The following CENPN variants were observed in gnomAD, a reference collection of about 807,000 sequenced individuals.
The protein encoded by CENPN is centromere protein N.
A neutral mutation model predicts 48.6 loss-of-function variants in CENPN; 36 were observed. The ratio of observed to expected loss-of-function variants is 0.74; its 90% CI spans 0.57 to 0.98. CENPN has a LOEUF of 0.98. Ranked by LOEUF, CENPN falls within the 50% of genes least tolerant of loss-of-function variation. The pLI is 0.00. For synonymous variants in CENPN, 166 were observed against 135.2 expected (o/e 1.23, Z -1.58); for missense variants, 439 against 399.2 (o/e 1.10, Z -0.85).
chr16:81,026,175 ATATG>A (rs1201212369), intron 8 of CENPN, among the ~76,000 whole-genome samples: 7 of 147,434 alleles, frequency 4.7e-5, no homozygotes, highest in Non-Finnish European at 8.9e-5. Flanking sequence ...ATGTGTATAT[ATATG>A]TGTGTGTATA....
chr16:81,032,654 A>T (rs989550916), downstream of CENPN: 4 of 1,611,598 alleles, frequency 2.5e-6, no homozygotes, highest in Non-Finnish European at 3.4e-6. Context: ...TGGCAGAAGG[A>T]CTTGTACCTT....
chr16:81,023,578 T>C (rs921853899), intron 7 of CENPN: 10 of 152,170 alleles, frequency 6.6e-5, no homozygotes, highest in African/African-American at 2.4e-4. Flanking sequence ...CATGATTTTC[T>C]TCTCTAGCCA....
At chr16:81,027,265 C>T (rs956982362) in intron 9 of CENPN, among the ~76,000 whole-genome samples, 3 of 151,996 alleles carry the variant, frequency 2.0e-5, no homozygotes, top group African/African-American at 4.8e-5. Context: ...CTGAGGCGGG[C>T]GGATCCCTTG....
chr16:81,028,336 C>T, intron 10 of CENPN, 39 bp downstream of exon 10: 1 of 1,606,920 alleles, frequency 6.2e-7, no homozygotes, highest in Non-Finnish European at 8.5e-7. Context: ...GAAAAATTAA[C>T]AACATGCCTC....
chr16:81,017,063 A>G (rs1391961333), intron 3 of CENPN: 1 of 310,448 alleles, frequency 3.2e-6, no homozygotes, highest in Non-Finnish European at 5.9e-6. Flanking sequence ...TGGAATGTGG[A>G]AATGGAATAA....
chr16:81,026,061 A>G (rs965992355), intron 8 of CENPN, among the ~76,000 whole-genome samples: 24 of 41,894 alleles, frequency 5.7e-4, no homozygotes, highest in African/African-American at 1.4e-3. Context: ...AGATATATAT[A>G]TATATATATG....
Position 81,028,303 on chromosome 16 carries a change from T to TGGTC in CENPN, c.937+7_937+10dup, listed in dbSNP as rs750505140. 8.1e-6 allele frequency: 13 copies of TGGTC among 1,613,798 alleles called. No individual in the cohort carries two copies. The highest frequency in any genetic ancestry group is 4.0e-5 in the African/African-American group (3 of 74,870). ...GAAATCCTTAGCACCAGCGGGTGAG[T>TGGTC]GGTCAGCTTACTCTATAAGCTAGAA... On this transcript the variant is annotated splice_region_variant and intron_variant, in intron 10 of 10. Transcript: ENST00000305850.
rs570643918 is a variant in CENPN, at chr16:81,025,843, C to T, written c.698-683C>T. Among the ~76,000 whole-genome samples the T allele has an allele frequency of 1.4e-4, 21 of 151,748 alleles. No individual in the cohort carries two copies. The South Asian group carries it at 3.5e-3, about 26-fold the overall frequency. ...TCAGCCTCCCAACTATCTGGGACTA[C>T]AGGCGCCTGCCACCACACCTGGCTA... On this transcript the variant is annotated intron_variant, in intron 8 of 10. Coordinates refer to ENST00000305850, the MANE Select transcript of CENPN (RefSeq NM_001100624.3).
At chr16:81,024,689 TAA>T in intron 7 of CENPN, 24 bp from the exon 8 acceptor site, 1 of 1,515,644 alleles carries the variant, frequency 6.6e-7, no homozygotes, top group African/African-American at 1.4e-5. Context: ...TCAAGATTAG[TAA>T]AATATTCACT....
rs867801448 is a variant in CENPN, at chr16:81,018,389, G to C, written c.354+555G>C. Among the ~76,000 whole-genome samples the C allele has an allele frequency of 1.3e-5, 2 of 152,062 alleles. 1 individual carries two copies. The highest frequency in any genetic ancestry group is 6.3e-3 in the Middle Eastern group (2 of 316). On this transcript the variant is annotated intron_variant, in intron 5 of 10. Transcript: ENST00000305850. Reference sequence around the variant, plus strand: ...GGGTTTCTCCATGTTGACCAGGCTGGTCTCGAACTCCTAACCTCAGATGAT... The same window carrying C: ...GGGTTTCTCCATGTTGACCAGGCTGCTCTCGAACTCCTAACCTCAGATGAT...
At chr16:81,032,460 A>T (rs558869619), downstream of CENPN, 15 of 1,128,442 alleles carry the variant, frequency 1.3e-5, no homozygotes, top group African/African-American at 2.2e-4. Context: ...TTGGGGAATC[A>T]TCACTCTGAT....
intron 2 of CENPN, among the ~76,000 whole-genome samples, chr16:81,012,973 A>G (rs545983975): frequency 3.3e-4 from 50 of 152,370 alleles, no homozygotes; most frequent in African/African-American, 1.1e-3. Context: ...ATAATAAAAA[A>G]TAGGAGGTAT....
intron 2 of CENPN, among the ~76,000 whole-genome samples, chr16:81,013,702 T>A (rs1391990958): frequency 6.6e-6 from 1 of 151,256 alleles, no homozygotes; most frequent in Non-Finnish European, 1.5e-5. Context: ...GCTTGGGCAA[T>A]AGAGCAAGAC....
chr16:81,032,156 A>C (rs189297492), downstream of CENPN, among the ~76,000 whole-genome samples: 5 of 152,314 alleles, frequency 3.3e-5, no homozygotes, highest in African/African-American at 1.2e-4. Flanking sequence ...TGACTAAGAA[A>C]GCTTCTTACT....
At chr16:81,024,809 T>G (rs1247531397) in intron 8 of CENPN, 31 bp downstream of exon 8, 2 of 1,367,496 alleles carry the variant, frequency 1.5e-6, no homozygotes, top group South Asian at 2.4e-5. Flanking sequence ...AACTGAATTT[T>G]GGAAATGCAT....
chr16:81,010,593 C>T (rs1050662262), intron 1 of CENPN, among the ~76,000 whole-genome samples: 1 of 152,216 alleles, frequency 6.6e-6, no homozygotes, highest in Non-Finnish European at 1.5e-5. Context: ...TAGCTCTTAG[C>T]ATGTCCTGTG....
intron 1 of CENPN, among the ~76,000 whole-genome samples, chr16:81,010,761 T>C (rs1969705329): frequency 6.6e-6 from 1 of 152,216 alleles, no homozygotes; most frequent in African/African-American, 2.4e-5. Context: ...TGTCTTTTAG[T>C]TCCCTGGTAA....
At chr16:81,017,431 A>G (rs118186277) in intron 4 of CENPN, 46 bp downstream of exon 4, 18,011 of 1,346,600 alleles carry the variant, frequency 0.013, 204 homozygotes, top group South Asian at 0.031. Flanking sequence ...TTTGGCTTGG[A>G]CTCAGGAAGC....
At chr16:81,032,636 C>T (rs529767906), downstream of CENPN, 102 of 1,613,830 alleles carry the variant, frequency 6.3e-5, no homozygotes, top group East Asian at 1.7e-3. Context: ...ACCCAGGACC[C>T]GAGCAGCTGG....
Sources: allele counts gnomAD v4.1 joint callset (sites outside exome capture counted in the v4.1 genomes callset), GRCh38; gene constraint gnomAD v4.1.1; transcripts MANE v1.5; gene names NCBI Gene and HGNC (gene_info 2026-07-23, HGNC 2026-07-21).